Variants in NPEPPS observed in about 807,000 individuals in gnomAD.
NPEPPS encodes the protein puromycin-sensitive aminopeptidase.
A neutral mutation model predicts 115.5 loss-of-function variants in NPEPPS; 14 were observed. The ratio of observed to expected loss-of-function variants is 0.12; its 90% CI spans 0.08 to 0.19. The LOEUF (loss-of-function observed/expected upper bound fraction) is 0.19. NPEPPS is among the 10% of genes least tolerant of loss of function. The pLI, the probability that NPEPPS is intolerant of heterozygous loss-of-function variation, is 1.00. For synonymous variants in NPEPPS, 285 were observed against 390.6 expected (o/e 0.73, Z 3.19); for missense variants, 523 against 1,110.8 (o/e 0.47, Z 7.52).
chr17:47,604,089 G>C, intron 16 of NPEPPS, 40 bp downstream of exon 16: 2 of 1,575,118 alleles, frequency 1.3e-6, no homozygotes, highest in South Asian at 2.3e-5. Context: ...GGATTTTGCT[G>C]ATTAAAAGAT....
In NPEPPS at chr17:47,613,651, A is replaced by T; in HGVS notation, c.2239-18A>T. 1 of 1,594,206 alleles carries T rather than the reference A, an allele frequency of 6.3e-7. No homozygotes were observed. The highest frequency in any genetic ancestry group is 8.6e-7 in the Non-Finnish European group (1 of 1,163,942). ...CAAGGTACATTTAATCAAATGACTT[A>T]TTTTTTGTCCCTTGTAGGTCTATCT... is the stretch of plus-strand genomic sequence containing the variant. On this transcript the variant is annotated intron_variant, in intron 18 of 22. Coordinates refer to ENST00000322157, the MANE Select transcript of NPEPPS (RefSeq NM_006310.4).
intron 17 of NPEPPS, among the ~76,000 whole-genome samples, chr17:47,608,846 T>G (rs1264724152): frequency 6.6e-6 from 1 of 152,204 alleles, no homozygotes; most frequent in Non-Finnish European, 1.5e-5. Flanking sequence ...CTGTGTCAGA[T>G]GCTACTACAC....
chr17:47,605,358 T>TA lies in NPEPPS; in HGVS notation c.1902dup (p.Glu635ArgfsTer12). 1 of 1,610,260 alleles carries TA rather than the reference T, an allele frequency of 6.2e-7. No individual in the cohort carries two copies. ...GCTCGAGCTGGAATCATTAGCACTG[T>TA]AGAGGTTCTAAAAGTCATGGAGGCT... On this transcript the variant is annotated frameshift_variant, in exon 17 of 23. Coordinates refer to ENST00000322157, the MANE Select transcript of NPEPPS (RefSeq NM_006310.4). LOFTEE classifies it high-confidence loss of function.
chr17:47,603,709 C>T, intron 15 of NPEPPS: 1 of 440,356 alleles, frequency 2.3e-6, no homozygotes, highest in South Asian at 5.2e-5. Context: ...CTTTGGCCCT[C>T]ACAATTTCAA....
At chr17:47,561,871 C>T (rs1910450691) in intron 2 of NPEPPS, among the ~76,000 whole-genome samples, 1 of 152,216 alleles carries the variant, frequency 6.6e-6, no homozygotes, top group African/African-American at 2.4e-5. Context: ...ACAGAGAGAC[C>T]TTGCTAGGTT....
chr17:47,544,836 G>A (rs1359123984), intron 1 of NPEPPS, among the ~76,000 whole-genome samples: 1 of 143,600 alleles, frequency 7.0e-6, no homozygotes, highest in East Asian at 2.0e-4. Context: ...CCCCTGCATC[G>A]TGAGTAGCTG....
intron 2 of NPEPPS, among the ~76,000 whole-genome samples, chr17:47,556,717 C>G (rs572384642): frequency 6.6e-6 from 1 of 152,142 alleles, no homozygotes; most frequent in Non-Finnish European, 1.5e-5. Context: ...GGCTGCCCCC[C>G]GCCTCCCTCC....
At chr17:47,556,178 C>A (rs1420339493) in intron 2 of NPEPPS, among the ~76,000 whole-genome samples, 1 of 145,836 alleles carries the variant, frequency 6.9e-6, no homozygotes, top group East Asian at 2.0e-4. Context: ...AGCAGATAAA[C>A]AAGTGAACAA....
intron 3 of NPEPPS, among the ~76,000 whole-genome samples, chr17:47,578,640 T>G (rs1198410761): frequency 1.9e-4 from 29 of 152,164 alleles, no homozygotes; most frequent in Admixed American, 1.1e-3. Context: ...GTATTTTTAT[T>G]TGCATTTAAT....
intron 19 of NPEPPS, among the ~76,000 whole-genome samples, chr17:47,617,794 G>C (rs1045751571): frequency 2.0e-5 from 3 of 152,254 alleles, no homozygotes; most frequent in Admixed American, 1.3e-4. Flanking sequence ...CTGAACTAAT[G>C]ACAGGCTGTT....
chr17:47,623,094 TTTC>T lies in NPEPPS; in HGVS notation c.*1177_*1179del, dbSNP rs565997512. 376 of 255,438 alleles carry T rather than the reference TTTC, an allele frequency of 1.5e-3. 2 individuals carry two copies. Among genetic ancestry groups the T allele is most frequent in the African/African-American group, 8.3e-3 (356 of 42,882 alleles). The allele number at this position is 255,438 out of a possible 1,614,324, so 15.8% of individuals were successfully genotyped here. A position where few individuals can be genotyped will look rare whatever the true frequency, so the allele number is the denominator to read the frequency against. The stretch of plus-strand genomic sequence containing the variant: ...TCCCTTCTTCTTTCCCTACCTTTTT[TTTC>T]TTTTTTTCTTAAAAAAATATTTTGT... On this transcript the variant is annotated 3_prime_UTR_variant, in exon 23 of 23. Coordinates refer to ENST00000322157, the MANE Select transcript of NPEPPS (RefSeq NM_006310.4).
At chr17:47,584,050 A>T (rs1190750436) in intron 5 of NPEPPS, among the ~76,000 whole-genome samples, 3 of 151,828 alleles carry the variant, frequency 2.0e-5, no homozygotes, top group Admixed American at 2.0e-4. Flanking sequence ...GTGAAACCCC[A>T]TCTCTACTAA....
chr17:47,596,538 T>G, intron 13 of NPEPPS, 76 bp downstream of exon 13: 1 of 913,276 alleles, frequency 1.1e-6, no homozygotes, highest in Non-Finnish European at 1.6e-6. Context: ...AGTTTGCTTT[T>G]CTGTACTTTA....
chr17:47,562,763 TAAAA>T (rs1269959031), intron 2 of NPEPPS, among the ~76,000 whole-genome samples: 2 of 146,116 alleles, frequency 1.4e-5, no homozygotes, highest in Non-Finnish European at 3.0e-5. Flanking sequence ...TTAGTTAATT[TAAAA>T]AAAAGTTTAG....
At chr17:47,540,604 T>C (rs183559246) in intron 1 of NPEPPS, among the ~76,000 whole-genome samples, 8 of 152,328 alleles carry the variant, frequency 5.3e-5, no homozygotes, top group Admixed American at 2.6e-4. Flanking sequence ...TGTGCTGATA[T>C]CCAAAGTGCC....
At chr17:47,551,970 T>C (rs1427934565) in intron 2 of NPEPPS, among the ~76,000 whole-genome samples, 8 of 128,740 alleles carry the variant, frequency 6.2e-5, no homozygotes, top group African/African-American at 2.1e-4. Context: ...TTCTTTCTTT[T>C]TTTTTTTTTT....
At chr17:47,524,582 C>A (rs2143629333) in intron 1 of NPEPPS, among the ~76,000 whole-genome samples, 1 of 151,836 alleles carries the variant, frequency 6.6e-6, no homozygotes, top group East Asian at 2.0e-4. Context: ...GCAAGCTCTG[C>A]CTCCCGGGTT....
intron 2 of NPEPPS, among the ~76,000 whole-genome samples, chr17:47,563,644 C>A (rs958767205): frequency 2.0e-5 from 3 of 151,794 alleles, no homozygotes; most frequent in Non-Finnish European, 4.4e-5. Flanking sequence ...GATCTCGGCT[C>A]GCTGCAAGCT....
intron 1 of NPEPPS, among the ~76,000 whole-genome samples, chr17:47,523,816 G>T (rs1457086203): frequency 6.7e-6 from 1 of 150,360 alleles, no homozygotes; most frequent in African/African-American, 2.5e-5. Flanking sequence ...TGCTTTACAG[G>T]TGGGGAAACT....
Sources: gnomAD v4.1 joint callset for allele counts (sites outside exome capture counted in the v4.1 genomes callset) on GRCh38, gnomAD v4.1.1 for gene constraint, MANE v1.5 for transcripts, NCBI Gene and HGNC (gene_info 2026-07-23, HGNC 2026-07-21) for gene names.